Variants in EYS observed in about 807,000 individuals in gnomAD.
EYS encodes EGF-like photoreceptor maintenance factor.
A neutral mutation model predicts 282.1 loss-of-function variants in EYS; 250 were observed. The ratio of observed to expected loss-of-function variants is 0.89; its 90% confidence interval spans 0.80 to 0.98. The LOEUF is 0.98. Ranked by LOEUF, EYS falls within the 50% of genes least tolerant of loss-of-function variation. The pLI, the probability that EYS is intolerant of heterozygous loss-of-function variation, is 0.00. For synonymous variants in EYS, 1,355 were observed against 1,282.9 expected (o/e 1.06, Z -1.20); for missense variants, 4,016 against 3,709.0 (o/e 1.08, Z -2.15).
intron 26 of EYS, among the ~76,000 whole-genome samples, chr6:64,468,450 G>A (rs890357030): frequency 2.6e-5 from 4 of 152,120 alleles, no homozygotes; most frequent in African/African-American, 7.2e-5. Flanking sequence ...ACACAGATAT[G>A]AGAAACCAAA....
chr6:64,345,573 G>C (rs140843531), intron 29 of EYS, among the ~76,000 whole-genome samples: 4,727 of 151,774 alleles, frequency 0.031, 230 homozygotes, highest in African/African-American at 0.11. Flanking sequence ...AAGACTTAAA[G>C]GTTAGACCTA....
At chr6:64,812,478 AAT>A (rs1764627355) in intron 22 of EYS, among the ~76,000 whole-genome samples, 1 of 152,096 alleles carries the variant, frequency 6.6e-6, no homozygotes, top group Non-Finnish European at 1.5e-5. Context: ...TAGATACCAA[AAT>A]ATATAAGTAG....
At chr6:65,400,626 G>A (rs1455014793) in intron 7 of EYS, among the ~76,000 whole-genome samples, 2 of 151,864 alleles carry the variant, frequency 1.3e-5, no homozygotes, top group African/African-American at 2.4e-5. Context: ...ATTGCTTTAA[G>A]TTACTAGGTA....
intron 35 of EYS, among the ~76,000 whole-genome samples, chr6:63,962,810 G>T (rs11968914): frequency 0.014 from 2,185 of 152,176 alleles, 47 homozygotes; most frequent in African/African-American, 0.049. Context: ...ACATGCGCAC[G>T]TATGTTTATT....
chr6:64,967,001 T>TA (rs1445780555), intron 14 of EYS, among the ~76,000 whole-genome samples: 1 of 152,190 alleles, frequency 6.6e-6, no homozygotes, highest in Non-Finnish European at 1.5e-5. Flanking sequence ...GTTTTCAAAT[T>TA]AAATTCCATT....
At position 64,171,512 on chromosome 6, in the gene EYS, CTGAT is replaced by C. The variant is rs1764479781; in HGVS notation, c.6424+59076_6424+59079del. 1.3e-5 allele frequency among the ~76,000 whole-genome samples: 2 copies of C among 151,570 alleles called. 1 individual carries two copies. Among genetic ancestry groups the C allele is most frequent in the African/African-American group, 4.9e-5 (2 of 40,956 alleles). On this transcript the variant is annotated intron_variant, in intron 31 of 42. Coordinates refer to ENST00000503581, the MANE Select transcript of EYS (RefSeq NM_001142800.2). ...AAAAATCAAACCTAGCTTTTACTGA[CTGAT>C]CTAGAATGTACTTACTCTTAAAGTA...
chr6:64,508,298 G>A (rs1387919529), intron 26 of EYS, among the ~76,000 whole-genome samples: 4 of 139,480 alleles, frequency 2.9e-5, no homozygotes, highest in African/African-American at 5.7e-5. Context: ...AATAATGTCC[G>A]TTTAAAGCTA....
At chr6:65,450,210 A>G (rs1195892516) in intron 5 of EYS, among the ~76,000 whole-genome samples, 1 of 152,118 alleles carries the variant, frequency 6.6e-6, no homozygotes, top group Non-Finnish European at 1.5e-5. Context: ...ATTTCTTCAG[A>G]TACAACACAG....
At chr6:65,098,327 C>T (rs915559079) in intron 12 of EYS, among the ~76,000 whole-genome samples, 1 of 150,604 alleles carries the variant, frequency 6.6e-6, no homozygotes, top group African/African-American at 2.4e-5. Flanking sequence ...CTCCTATAGC[C>T]TCGGGGTTTT....
chr6:64,864,138 GAT>G (rs1766337160), intron 19 of EYS, among the ~76,000 whole-genome samples: 2 of 152,092 alleles, frequency 1.3e-5, no homozygotes, highest in African/African-American at 4.8e-5. Context: ...TCCAATGACT[GAT>G]TATCAATTGG....
At chr6:64,195,304 T>G (rs1765252001) in intron 31 of EYS, among the ~76,000 whole-genome samples, 1 of 152,226 alleles carries the variant, frequency 6.6e-6, no homozygotes, top group African/African-American at 2.4e-5. Context: ...TTGTTTCTTT[T>G]GAAAATTATT....
intron 19 of EYS, among the ~76,000 whole-genome samples, chr6:64,881,447 T>G (rs1276326373): frequency 6.6e-6 from 1 of 151,902 alleles, no homozygotes; most frequent in Admixed American, 6.6e-5. Context: ...CATTTTTTTG[T>G]TAGCAAAGGT....
At chr6:63,812,822 T>G (rs945259273) in intron 36 of EYS, among the ~76,000 whole-genome samples, 2 of 152,140 alleles carry the variant, frequency 1.3e-5, no homozygotes, top group African/African-American at 4.8e-5. Context: ...CTTGTTTGAA[T>G]TTGTTTTTTG....
chr6:65,195,364 AT>A (rs1765739240), intron 12 of EYS, among the ~76,000 whole-genome samples: 1 of 151,914 alleles, frequency 6.6e-6, no homozygotes, highest in Non-Finnish European at 1.5e-5. Context: ...ATCAGCCTGG[AT>A]TTTTCATTCT....
intron 32 of EYS, among the ~76,000 whole-genome samples, chr6:64,078,447 T>C (rs866576459): frequency 1.4e-4 from 22 of 152,072 alleles, no homozygotes; most frequent in African/African-American, 5.3e-4. Flanking sequence ...TTTGTGCTCA[T>C]CTGTTGTGAG....
In EYS at chr6:64,002,707, G is replaced by T. The variant is rs182064102; in HGVS notation, c.6726-3524C>A. On this transcript the variant is annotated intron_variant, in intron 33 of 42. Transcript: ENST00000503581. ...CTTCAGTGGGAATGAAGATGATTTT[G>T]TGTGTGTGTATATAGAGATAGGGTC... 1.3e-3 allele frequency among the ~76,000 whole-genome samples: 193 copies of T among 152,216 alleles called. 1 individual carries two copies. The highest frequency in any genetic ancestry group is 0.011 in the Admixed American group (172 of 15,288).
intron 35 of EYS, among the ~76,000 whole-genome samples, chr6:63,889,144 A>C (rs1265273050): frequency 6.6e-6 from 1 of 152,212 alleles, no homozygotes; most frequent in Non-Finnish European, 1.5e-5. Context: ...GACTATGTGA[A>C]AAGACCAAAC....
At chr6:65,387,376 T>C (rs1180045733) in intron 7 of EYS, among the ~76,000 whole-genome samples, 1 of 151,894 alleles carries the variant, frequency 6.6e-6, no homozygotes, top group East Asian at 1.9e-4. Context: ...TATTTATTTT[T>C]AAAGTTAATT....
At chr6:64,146,088 A>G (rs890222801) in intron 31 of EYS, among the ~76,000 whole-genome samples, 7 of 152,068 alleles carry the variant, frequency 4.6e-5, no homozygotes, top group African/African-American at 1.7e-4. Flanking sequence ...TGAAGTGGCC[A>G]CAACTGTGGG....
Sources: gnomAD v4.1 joint callset for allele counts (sites outside exome capture counted in the v4.1 genomes callset) on GRCh38, gnomAD v4.1.1 for gene constraint, MANE v1.5 for transcripts, NCBI Gene and HGNC (gene_info 2026-07-23, HGNC 2026-07-21) for gene names.